The following FOXN3 variants were observed in gnomAD, a reference collection of about 807,000 sequenced individuals.
The protein encoded by FOXN3 is forkhead box protein N3.
Under a neutral mutation model 38.4 loss-of-function variants are expected in FOXN3, and 7 were observed. That is an observed-to-expected ratio of 0.18 (90% CI 0.10 to 0.34). FOXN3 has a LOEUF of 0.34. FOXN3 is among the 10% of genes least tolerant of loss of function. The pLI, the probability that FOXN3 is intolerant of heterozygous loss-of-function variation, is 1.00. For missense variants in FOXN3, 456 were observed against 613.4 expected, an observed-to-expected ratio of 0.74 and a Z score of 2.71; for synonymous variants, 230 against 242.2, an observed-to-expected ratio of 0.95 and a Z score of 0.47.
In FOXN3 at chr14:89,231,013, GATGATA is replaced by G. The variant is rs556354572; in HGVS notation, c.745+49931_745+49936del. ...TGCGGGAACATCAGGACTTGAGGTT[GATGATA>G]ATGATAACATCCCACCCATCTCACC... On this transcript the variant is annotated intron_variant, in intron 4 of 5. Coordinates refer to ENST00000557258, the MANE Select transcript of FOXN3 (RefSeq NM_005197.4). 1.2e-4 allele frequency: 41 copies of G among 351,610 alleles called. No individual in the cohort carries two copies. The East Asian group carries it at 3.1e-3, about 26-fold the overall frequency. 21.8% of individuals were successfully genotyped at this position (351,610 alleles called of 1,614,324 possible).
At chr14:89,334,305 TGC>T (rs1888370527) in intron 3 of FOXN3, among the ~76,000 whole-genome samples, 4 of 150,926 alleles carry the variant, frequency 2.7e-5, no homozygotes, top group African/African-American at 9.8e-5. Flanking sequence ...GGTAAAAACT[TGC>T]AGTTATAAAA....
chr14:89,444,509 C>A (rs8006194), intron 1 of FOXN3, among the ~76,000 whole-genome samples: 73,806 of 151,594 alleles, frequency 0.49, 18,777 homozygotes, highest in Middle Eastern at 0.65. Context: ...TAATAGTTGG[C>A]CTTTGATTTC....
intron 2 of FOXN3, among the ~76,000 whole-genome samples, chr14:89,389,120 G>C (rs1042252084): frequency 1.3e-5 from 2 of 152,150 alleles, no homozygotes; most frequent in African/African-American, 4.8e-5. Context: ...GCTGCAGCCT[G>C]AGGGGAACTT....
At chr14:89,233,681 A>G (rs1207889975) in intron 4 of FOXN3, among the ~76,000 whole-genome samples, 1 of 152,228 alleles carries the variant, frequency 6.6e-6, no homozygotes, top group Non-Finnish European at 1.5e-5. Context: ...AGTGAGAACC[A>G]CAGAATCTGG....
chr14:89,570,372 T>C (rs747442246), intron 1 of FOXN3, among the ~76,000 whole-genome samples: 2 of 152,086 alleles, frequency 1.3e-5, no homozygotes, highest in Non-Finnish European at 2.9e-5. Context: ...GTTCTATAAT[T>C]TGGCATATCA....
chr14:89,421,079 T>C (rs907553117), upstream of FOXN3, among the ~76,000 whole-genome samples: 1 of 151,596 alleles, frequency 6.6e-6, no homozygotes, highest in African/African-American at 2.4e-5. Context: ...TCCTTCTGAA[T>C]GTTAGAGTTA....
intron 4 of FOXN3, among the ~76,000 whole-genome samples, chr14:89,256,712 T>A (rs996882102): frequency 2.0e-5 from 3 of 152,220 alleles, no homozygotes; most frequent in Admixed American, 1.3e-4. Context: ...TGTGCATTAT[T>A]GAGTTTGGCA....
At chr14:89,181,043 C>T (rs943110110) in intron 4 of FOXN3, among the ~76,000 whole-genome samples, 14 of 150,906 alleles carry the variant, frequency 9.3e-5, no homozygotes, top group South Asian at 6.3e-4. Flanking sequence ...CAGACACGTA[C>T]GTACACCTGC....
chr14:89,304,261 G>C lies in FOXN3; in HGVS notation c.681-23247C>G, dbSNP rs1346343036. Among the ~76,000 whole-genome samples the C allele has an allele frequency of 2.0e-5, 3 of 152,230 alleles. No homozygotes were observed. The East Asian group carries it at 5.8e-4, about 29-fold the overall frequency. On this transcript the variant is annotated intron_variant, in intron 3 of 5. Transcript: ENST00000557258. ...GAAAAGGGACAGGCTTGGGTTTGCA[G>C]CCTCTGCTGACGACATTTCTTCCTG...
intron 3 of FOXN3, among the ~76,000 whole-genome samples, chr14:89,341,731 C>T (rs985321401): frequency 1.3e-5 from 2 of 152,282 alleles, no homozygotes; most frequent in East Asian, 1.9e-4. Flanking sequence ...TGTTGTTTCA[C>T]GTTGTACACG....
At chr14:89,505,393 G>A (rs2139795766) in intron 1 of FOXN3, among the ~76,000 whole-genome samples, 1 of 151,086 alleles carries the variant, frequency 6.6e-6, no homozygotes, top group Admixed American at 6.6e-5. Context: ...TCCTGCCTCA[G>A]CCTGCCGAGT....
chr14:89,165,177 C>T (rs946591836), intron 5 of FOXN3, among the ~76,000 whole-genome samples: 1 of 152,148 alleles, frequency 6.6e-6, no homozygotes, highest in Admixed American at 6.5e-5. Context: ...AGATACACAC[C>T]ACCTCCCCTA....
At chr14:89,325,841 G>A (rs1022246403) in intron 3 of FOXN3, among the ~76,000 whole-genome samples, 5 of 152,146 alleles carry the variant, frequency 3.3e-5, no homozygotes, top group African/African-American at 1.2e-4. Flanking sequence ...AACTGAGCTG[G>A]GCATTACCTG....
At chr14:89,279,922 ATACTTATCTCC>A in intron 4 of FOXN3, among the ~76,000 whole-genome samples, 1 of 152,292 alleles carries the variant, frequency 6.6e-6, no homozygotes, top group South Asian at 2.1e-4. Context: ...CTTCTTAACC[ATACTTATCTCC>A]TACTCCTTCA....
intron 4 of FOXN3, among the ~76,000 whole-genome samples, chr14:89,209,372 T>G (rs537325405): frequency 9.2e-5 from 14 of 152,370 alleles, no homozygotes; most frequent in Admixed American, 2.0e-4. Context: ...TTTCAAATCC[T>G]TAGCCAACAC....
intron 1 of FOXN3, among the ~76,000 whole-genome samples, chr14:89,611,901 G>C (rs1265554657): frequency 2.6e-5 from 4 of 151,704 alleles, no homozygotes; most frequent in African/African-American, 9.7e-5. Context: ...ATGTGAAGAA[G>C]CAAAATCCTA....
intron 2 of FOXN3, among the ~76,000 whole-genome samples, chr14:89,395,770 T>C (rs1459854825): frequency 6.6e-6 from 1 of 152,100 alleles, no homozygotes; most frequent in East Asian, 1.9e-4. Flanking sequence ...TATTATTATT[T>C]CTGGGAAAAA....
chr14:89,397,481 G>A (rs1351247812), intron 2 of FOXN3, among the ~76,000 whole-genome samples: 5 of 148,966 alleles, frequency 3.4e-5, no homozygotes, highest in Non-Finnish European at 7.4e-5. Flanking sequence ...TGTGGAGACC[G>A]AGGCTCTGCA....
intron 4 of FOXN3, among the ~76,000 whole-genome samples, chr14:89,200,594 C>T (rs531954544): frequency 2.6e-5 from 4 of 152,330 alleles, no homozygotes; most frequent in African/African-American, 7.2e-5. Context: ...CAGGCAGATG[C>T]TTTCGTATTT....
Sources: gnomAD v4.1 joint callset for allele counts (sites outside exome capture counted in the v4.1 genomes callset) on GRCh38, gnomAD v4.1.1 for gene constraint, MANE v1.5 for transcripts, NCBI Gene and HGNC (gene_info 2026-07-23, HGNC 2026-07-21) for gene names.